Variants in CDH12 observed in about 807,000 individuals in gnomAD.
CDH12 encodes the protein cadherin-12.
In CDH12, 41 loss-of-function variants were observed where a neutral mutation model predicts 74.1. That is an observed-to-expected ratio of 0.55 (90% CI 0.43 to 0.72). The LOEUF is 0.72. Among genes scored for constraint, CDH12 ranks in the 30% least tolerant of loss-of-function variants. The pLI, the probability that CDH12 is intolerant of heterozygous loss-of-function variation, is 0.00. For missense variants in CDH12, 945 were observed against 977.2 expected (o/e 0.97, Z 0.44); for synonymous variants, 399 against 355.0 (o/e 1.12, Z -1.39).
intron 8 of CDH12, among the ~76,000 whole-genome samples, chr5:21,827,330 G>A (rs1366980292): frequency 1.4e-5 from 2 of 142,986 alleles, no homozygotes; most frequent in Non-Finnish European, 3.0e-5. Context: ...TGAGTGGATT[G>A]GGCACACTTG....
chr5:22,375,747 C>T (rs914035460), intron 3 of CDH12, among the ~76,000 whole-genome samples: 10 of 151,662 alleles, frequency 6.6e-5, no homozygotes, highest in Non-Finnish European at 1.5e-4. Context: ...AATGATGTAT[C>T]ATTTTACACC....
In CDH12 at chr5:22,353,314, G is replaced by A. The variant is rs565659856; in HGVS notation, c.-333+51943C>T. 4.8e-4 allele frequency among the ~76,000 whole-genome samples: 73 copies of A among 152,218 alleles called. 1 individual carries two copies. In the East Asian group the frequency reaches 7.9e-3, roughly 17 times the overall value. On this transcript the variant is annotated intron_variant, in intron 3 of 14. Transcript: ENST00000382254. ...TTCTACATAATTACAGAGAATGACTGAACCCACTAATATCTGCTCAAAGAC... is the reference window on the plus strand; with the variant it reads ...TTCTACATAATTACAGAGAATGACTAAACCCACTAATATCTGCTCAAAGAC...
At chr5:22,576,770 TGAGA>T (rs144280779) in intron 1 of CDH12, among the ~76,000 whole-genome samples, 4 of 150,796 alleles carry the variant, frequency 2.7e-5, no homozygotes, top group African/African-American at 4.9e-5. Context: ...AATTGATAAC[TGAGA>T]GAGAGAGAGA....
chr5:22,830,624 C>A (rs1736557721), intron 1 of CDH12, among the ~76,000 whole-genome samples: 1 of 151,644 alleles, frequency 6.6e-6, no homozygotes, highest in Non-Finnish European at 1.5e-5. Flanking sequence ...ATATATACAT[C>A]TTTCTATATT....
intron 8 of CDH12, among the ~76,000 whole-genome samples, chr5:21,831,984 T>C (rs957455333): frequency 4.6e-5 from 7 of 152,154 alleles, no homozygotes; most frequent in Non-Finnish European, 1.0e-4. Flanking sequence ...TTAACAAATA[T>C]TACAAGTATT....
chr5:22,507,211 G>A (rs925745920), intron 1 of CDH12, among the ~76,000 whole-genome samples: 1 of 152,092 alleles, frequency 6.6e-6, no homozygotes, highest in Non-Finnish European at 1.5e-5. Flanking sequence ...AAAAGGACTT[G>A]AGGAGATATA....
intron 1 of CDH12, among the ~76,000 whole-genome samples, chr5:22,779,050 G>A (rs546572987): frequency 6.6e-6 from 1 of 152,110 alleles, no homozygotes; most frequent in Admixed American, 6.5e-5. Flanking sequence ...AAAAACTATT[G>A]TGCAATTTTA....
intron 3 of CDH12, among the ~76,000 whole-genome samples, chr5:22,360,799 C>T (rs1451960002): frequency 1.3e-5 from 2 of 152,200 alleles, no homozygotes; most frequent in African/African-American, 4.8e-5. Flanking sequence ...TAAACGTAAT[C>T]CAGCAAATAA....
At chr5:22,806,141 C>A (rs1189358672) in intron 1 of CDH12, among the ~76,000 whole-genome samples, 1 of 152,032 alleles carries the variant, frequency 6.6e-6, no homozygotes, top group African/African-American at 2.4e-5. Context: ...GTCTTTATAG[C>A]AGCATGATTT....
intron 4 of CDH12, among the ~76,000 whole-genome samples, chr5:22,129,049 C>T (rs1447134070): frequency 6.6e-6 from 1 of 152,146 alleles, no homozygotes; most frequent in Non-Finnish European, 1.5e-5. Context: ...AACGTTTAAC[C>T]TGTAAAATCT....
chr5:22,392,292 G>A (rs1043391152), intron 3 of CDH12, among the ~76,000 whole-genome samples: 1 of 152,042 alleles, frequency 6.6e-6, no homozygotes, highest in African/African-American at 2.4e-5. Flanking sequence ...TGACTATAAG[G>A]AAATCACATA....
At chr5:21,901,683 A>G (rs891362791) in intron 6 of CDH12, among the ~76,000 whole-genome samples, 1 of 152,062 alleles carries the variant, frequency 6.6e-6, no homozygotes, top group Non-Finnish European at 1.5e-5. Context: ...ATTCATTTCA[A>G]CCAGCCACCT....
intron 1 of CDH12, among the ~76,000 whole-genome samples, chr5:22,539,904 AT>A (rs1295318174): frequency 6.6e-6 from 1 of 152,160 alleles, no homozygotes; most frequent in Non-Finnish European, 1.5e-5. Flanking sequence ...ACTTGATCAT[AT>A]TGCTTGCCTT....
chr5:21,858,389 AAATTT>A (rs1750863288), intron 6 of CDH12, among the ~76,000 whole-genome samples: 1 of 151,958 alleles, frequency 6.6e-6, no homozygotes, highest in Admixed American at 6.6e-5. Flanking sequence ...GAATTAACTT[AAATTT>A]GAGTCAATAT....
chr5:22,470,962 T>C lies in CDH12; in HGVS notation c.-428+34308A>G, dbSNP rs201897488. ...ACAATGATCATGGTGAATATTCTTA[T>C]TTTTAATTTAAGGGCATGTCCAAGA... On this transcript the variant is annotated intron_variant, in intron 2 of 14. Coordinates refer to ENST00000382254, the MANE Select transcript of CDH12 (RefSeq NM_004061.5). Among the ~76,000 whole-genome samples, 4 of 152,156 alleles carry C rather than the reference T, an allele frequency of 2.6e-5. No individual in the cohort carries two copies. The East Asian group carries it at 7.7e-4, about 29-fold the overall frequency.
chr5:22,463,567 G>A (rs1435065690), intron 2 of CDH12, among the ~76,000 whole-genome samples: 1 of 152,014 alleles, frequency 6.6e-6, no homozygotes, highest in Non-Finnish European at 1.5e-5. Flanking sequence ...ACAAATAAAA[G>A]AGTAAATCTA....
intron 11 of CDH12, among the ~76,000 whole-genome samples, chr5:21,767,561 C>A (rs369961661): frequency 2.6e-5 from 4 of 151,396 alleles, no homozygotes; most frequent in Non-Finnish European, 4.4e-5. Context: ...CACTAGATAT[C>A]CTACAGATAT....
At chr5:21,892,429 G>A (rs893916821) in intron 6 of CDH12, among the ~76,000 whole-genome samples, 2 of 152,062 alleles carry the variant, frequency 1.3e-5, no homozygotes, top group African/African-American at 4.8e-5. Flanking sequence ...GCGGGAAAAA[G>A]TAAAGTATTT....
intron 5 of CDH12, among the ~76,000 whole-genome samples, chr5:22,006,171 C>T (rs547006055): frequency 6.3e-4 from 95 of 151,932 alleles, no homozygotes; most frequent in African/African-American, 2.0e-3. Flanking sequence ...TGTTTCAGGC[C>T]ACCTCTCTTC....
Sources: gnomAD v4.1 joint callset for allele counts (sites outside exome capture counted in the v4.1 genomes callset) on GRCh38, gnomAD v4.1.1 for gene constraint, MANE v1.5 for transcripts, NCBI Gene and HGNC (gene_info 2026-07-23, HGNC 2026-07-21) for gene names.